The following ALK variants were observed in gnomAD, a reference collection of about 807,000 sequenced individuals.
ALK encodes the protein ALK receptor tyrosine kinase, also known as ALK tyrosine kinase receptor.
In ALK, 74 loss-of-function variants were observed where a neutral mutation model predicts 163.1. The ratio of observed to expected loss-of-function variants is 0.45; its 90% CI spans 0.38 to 0.55. The LOEUF is 0.55. Ranked by LOEUF, ALK falls within the 20% of genes least tolerant of loss-of-function variation. ALK has a pLI of 0.00. For missense variants in ALK, 2,063 were observed against 2,105.3 expected (o/e 0.98, Z 0.39); for synonymous variants, 960 against 843.2 (o/e 1.14, Z -2.40).
At chr2:29,758,927 C>T (rs1680618340) in intron 1 of ALK, among the ~76,000 whole-genome samples, 1 of 152,102 alleles carries the variant, frequency 6.6e-6, no homozygotes, top group Non-Finnish European at 1.5e-5. Flanking sequence ...GTCGGTGTTT[C>T]CTGTCCAACA....
chr2:29,504,212 C>G (rs925589505), intron 4 of ALK, among the ~76,000 whole-genome samples: 30 of 152,072 alleles, frequency 2.0e-4, no homozygotes, highest in African/African-American at 5.3e-4. Flanking sequence ...GCAGTGAGTA[C>G]AAAGGGCCAG....
intron 5 of ALK, among the ~76,000 whole-genome samples, chr2:29,362,882 G>A (rs1216849338): frequency 6.6e-6 from 1 of 152,090 alleles, no homozygotes; most frequent in Non-Finnish European, 1.5e-5. Context: ...AACATTGAAT[G>A]AAATGCAAGG....
intron 2 of ALK, among the ~76,000 whole-genome samples, chr2:29,706,412 C>A (rs1312494817): frequency 6.6e-6 from 1 of 152,218 alleles, no homozygotes; most frequent in African/African-American, 2.4e-5. Flanking sequence ...AAGTATCCAA[C>A]CTGGCCCCTA....
intron 4 of ALK, among the ~76,000 whole-genome samples, chr2:29,459,967 G>A (rs1671046339): frequency 1.3e-5 from 2 of 152,126 alleles, no homozygotes; most frequent in Non-Finnish European, 2.9e-5. Flanking sequence ...CCTCAGAAAG[G>A]TTATGTGACT....
chr2:29,648,948 A>C (rs1411673669), intron 3 of ALK, among the ~76,000 whole-genome samples: 3 of 152,094 alleles, frequency 2.0e-5, no homozygotes, highest in Non-Finnish European at 2.9e-5. Flanking sequence ...CTAAATTGGA[A>C]ATTATTTTCC....
At chr2:29,719,660 A>T (rs1378311674) in intron 1 of ALK, among the ~76,000 whole-genome samples, 1 of 152,192 alleles carries the variant, frequency 6.6e-6, no homozygotes, top group African/African-American at 2.4e-5. Flanking sequence ...TTGAGGCATA[A>T]AGACGTTAGT....
intron 5 of ALK, among the ~76,000 whole-genome samples, chr2:29,348,298 C>A (rs1175542478): frequency 6.6e-6 from 1 of 152,178 alleles, no homozygotes; most frequent in Non-Finnish European, 1.5e-5. Context: ...AATGAATGAA[C>A]TGTGTCTGTA....
chr2:29,493,904 A>G (rs574522160), intron 4 of ALK, among the ~76,000 whole-genome samples: 2 of 152,354 alleles, frequency 1.3e-5, no homozygotes, highest in African/African-American at 2.4e-5. Flanking sequence ...CTCAAGCACA[A>G]TGAAGGAGAA....
chr2:29,676,705 A>C (rs1201879617), intron 3 of ALK, among the ~76,000 whole-genome samples: 1 of 152,088 alleles, frequency 6.6e-6, no homozygotes, highest in South Asian at 2.1e-4. Flanking sequence ...TAGCAATTAC[A>C]TTAAGCTTAT....
intron 25 of ALK, among the ~76,000 whole-genome samples, chr2:29,209,497 G>A (rs893217411): frequency 1.6e-4 from 24 of 148,642 alleles, no homozygotes; most frequent in Non-Finnish European, 3.4e-4. Flanking sequence ...AGCCGAGTTC[G>A]TGCCATGGCA....
At chr2:29,578,912 C>A (rs970928115) in intron 3 of ALK, among the ~76,000 whole-genome samples, 5 of 152,200 alleles carry the variant, frequency 3.3e-5, no homozygotes, top group African/African-American at 1.2e-4. Flanking sequence ...AATCTGAGCA[C>A]TGTCTCTGTG....
At chr2:29,844,337 G>C (rs1196805646) in intron 1 of ALK, among the ~76,000 whole-genome samples, 2 of 152,182 alleles carry the variant, frequency 1.3e-5, no homozygotes, top group African/African-American at 2.4e-5. Flanking sequence ...GGGGCCAGTG[G>C]GGAGCAGGTG....
At chr2:29,689,027 G>A (rs1418726481) in intron 3 of ALK, among the ~76,000 whole-genome samples, 11 of 152,204 alleles carry the variant, frequency 7.2e-5, no homozygotes, top group East Asian at 1.9e-4. Context: ...AAGGTCGTCC[G>A]TCTCCATCTT....
chr2:29,805,192 G>C (rs900720872), intron 1 of ALK, among the ~76,000 whole-genome samples: 8 of 152,168 alleles, frequency 5.3e-5, no homozygotes, highest in African/African-American at 1.9e-4. Context: ...CAGAATGACT[G>C]TGAGGGCAGC....
At chr2:29,669,508 T>C (rs1032705523) in intron 3 of ALK, among the ~76,000 whole-genome samples, 3 of 152,056 alleles carry the variant, frequency 2.0e-5, no homozygotes, top group African/African-American at 7.2e-5. Context: ...GAAGTGGGGT[T>C]CTTGAAGGCA....
chr2:29,233,432 C>G (rs1382221872), intron 14 of ALK, 133 bp downstream of exon 14: 11 of 1,314,794 alleles, frequency 8.4e-6, no homozygotes, highest in Non-Finnish European at 1.2e-5. Context: ...AGGAATGAGC[C>G]ACTGTACCTG....
intron 7 of ALK, 84 bp downstream of exon 7, chr2:29,320,667 G>C (rs1667005336): frequency 6.3e-7 from 1 of 1,592,192 alleles, no homozygotes; most frequent in Non-Finnish European, 8.6e-7. Context: ...CCTGCAGGTG[G>C]GGTGAAGTCC....
chr2:29,659,514 T>C (rs1415696332), intron 3 of ALK, among the ~76,000 whole-genome samples: 1 of 152,116 alleles, frequency 6.6e-6, no homozygotes. Context: ...GAGCAGCCCC[T>C]TAAGAAGCGT....
intron 26 of ALK, among the ~76,000 whole-genome samples, chr2:29,202,446 T>G (rs1017349578): frequency 4.6e-5 from 7 of 152,280 alleles, no homozygotes; most frequent in Admixed American, 1.3e-4. Flanking sequence ...GTTAATCTTT[T>G]GTCTTATTCT....
Sources: gnomAD v4.1 joint callset for allele counts (sites outside exome capture counted in the v4.1 genomes callset) on GRCh38, gnomAD v4.1.1 for gene constraint, MANE v1.5 for transcripts, NCBI Gene and HGNC (gene_info 2026-07-23, HGNC 2026-07-21) for gene names.